Variants in PIKFYVE observed in about 807,000 individuals in gnomAD.
PIKFYVE encodes the protein phosphoinositide kinase, FYVE-type zinc finger containing, also known as 1-phosphatidylinositol 3-phosphate 5-kinase.
Under a neutral mutation model 257.9 loss-of-function variants are expected in PIKFYVE, and 122 were observed. That is an observed-to-expected ratio of 0.47 (90% CI 0.41 to 0.55). The LOEUF is 0.55. PIKFYVE is among the 20% of genes least tolerant of loss of function. PIKFYVE has a pLI of 0.00. For missense variants in PIKFYVE, 2,160 were observed against 2,536.6 expected (o/e 0.85, Z 3.19); for synonymous variants, 892 against 868.9 (o/e 1.03, Z -0.47).
intron 12 of PIKFYVE, among the ~76,000 whole-genome samples, chr2:208,309,563 G>C (rs1169024398): frequency 1.3e-5 from 2 of 152,320 alleles, no homozygotes; most frequent in Non-Finnish European, 2.9e-5. Flanking sequence ...AGGATCCTAA[G>C]ACATCTGAAA....
chr2:208,297,694 T>TA lies in PIKFYVE; in HGVS notation c.912-946dup, dbSNP rs1693159447. Among the ~76,000 whole-genome samples, 3 of 152,220 alleles carry TA rather than the reference T, an allele frequency of 2.0e-5. No individual in the cohort carries two copies. The South Asian group carries it at 6.2e-4, about 31-fold the overall frequency. On this transcript the variant is annotated intron_variant, in intron 7 of 41. Coordinates refer to ENST00000264380, the MANE Select transcript of PIKFYVE (RefSeq NM_015040.4). ...ACAGATACTGCCCTAATGAATGAGT[T>TA]ACATATATGTAGTCTAACATATCAT... is the stretch of plus-strand genomic sequence containing the variant.
intron 7 of PIKFYVE, among the ~76,000 whole-genome samples, chr2:208,294,102 G>A (rs1030454030): frequency 3.3e-5 from 5 of 151,950 alleles, no homozygotes; most frequent in African/African-American, 1.2e-4. Flanking sequence ...GATATTGTTT[G>A]TTCAGTCTTT....
intron 35 of PIKFYVE, among the ~76,000 whole-genome samples, chr2:208,349,089 G>T (rs1382096481): frequency 1.3e-5 from 2 of 152,150 alleles, no homozygotes; most frequent in Non-Finnish European, 2.9e-5. Context: ...CATGAACCCA[G>T]GAGGTATAGG....
chr2:208,271,473 A>C (rs769629601), intron 1 of PIKFYVE, 38 bp from the exon 2 acceptor site: 1 of 1,600,624 alleles, frequency 6.2e-7, no homozygotes, highest in Non-Finnish European at 8.6e-7. Flanking sequence ...GAGCTTCCTG[A>C]GGAATTTAGA....
chr2:208,272,703 A>G (rs1307124253), intron 2 of PIKFYVE, among the ~76,000 whole-genome samples: 1 of 152,120 alleles, frequency 6.6e-6, no homozygotes, highest in East Asian at 1.9e-4. Flanking sequence ...TTAACTCAGT[A>G]GAACCTTTAA....
intron 1 of PIKFYVE, among the ~76,000 whole-genome samples, chr2:208,267,193 A>G (rs566966863): frequency 7.9e-5 from 12 of 152,336 alleles, no homozygotes; most frequent in African/African-American, 2.9e-4. Context: ...AGTGTTGACA[A>G]TAGAGGTAGT....
intron 8 of PIKFYVE, 23 bp from the exon 9 acceptor site, chr2:208,300,914 A>G (rs781082156): frequency 1.9e-6 from 3 of 1,613,684 alleles, no homozygotes; most frequent in Admixed American, 1.7e-5. Context: ...AAGGGTAACT[A>G]CTTGCTGTTA....
Position 208,343,253 on chromosome 2 carries a change from C to T in PIKFYVE, c.5027+604C>T, listed in dbSNP as rs544008743. 5.9e-5 allele frequency among the ~76,000 whole-genome samples: 9 copies of T among 152,206 alleles called. No individual in the cohort carries two copies. In the East Asian group the frequency reaches 1.7e-3, roughly 29 times the overall value. Reference sequence around the variant, plus strand: ...GTTAAAATATGTTTTCCCTTGTATCCCTTCTCTCAGTTTACTTGTTGACAT... The same window carrying T: ...GTTAAAATATGTTTTCCCTTGTATCTCTTCTCTCAGTTTACTTGTTGACAT... On this transcript the variant is annotated intron_variant, in intron 32 of 41. Coordinates refer to ENST00000264380, the MANE Select transcript of PIKFYVE (RefSeq NM_015040.4).
chr2:208,346,157 C>T lies in PIKFYVE; in HGVS notation c.5209+10C>T. On this transcript the variant is annotated intron_variant, in intron 34 of 41. Transcript: ENST00000264380. ...ACAGAACCACAACCAAGTAAGATTA[C>T]ACATGGAGGAATATTTATAATTAGA... 1.9e-6 allele frequency: 3 copies of T among 1,576,886 alleles called. No individual in the cohort carries two copies. Among genetic ancestry groups the T allele is most frequent in the South Asian group, 1.1e-5 (1 of 90,236 alleles).
At position 208,345,297 on chromosome 2, in the gene PIKFYVE, C is replaced by T. The variant is rs563647783; in HGVS notation, c.5111+103C>T. ...ACAGCATTTATCATCATAAAAATTT[C>T]TAGGATTCAGATAGTGGCACTCATA... On this transcript the variant is annotated intron_variant, in intron 33 of 41. Coordinates refer to ENST00000264380, the MANE Select transcript of PIKFYVE (RefSeq NM_015040.4). 7.7e-6 allele frequency: 8 copies of T among 1,038,346 alleles called. No homozygotes were observed. In the East Asian group the frequency reaches 1.3e-4, roughly 17 times the overall value. The allele number at this position is 1,038,346 out of a possible 1,614,324, so 64.3% of individuals were successfully genotyped here.
Position 208,354,055 on chromosome 2 carries a change from C to T in PIKFYVE, c.6002C>T (p.Ser2001Leu), listed in dbSNP as rs759348194. 9 of 1,613,982 alleles carry T rather than the reference C, an allele frequency of 5.6e-6. No individual in the cohort carries two copies. The highest frequency in any genetic ancestry group is 1.7e-5 in the Admixed American group (1 of 60,012). Residue 2001 changes from serine to leucine, a missense_variant, in exon 40 of 42, where the codon TCG (serine) becomes TTG (leucine). Physicochemically the swap from Ser to Leu is moderately radical, Grantham distance 145 (BLOSUM62 -2). This residue lies in a region of PIKFYVE where 699 missense variants were observed against 855.8 expected (regional missense o/e 0.82). Transcript: ENST00000264380. ...CATTCCAAAGCTGTGCTGAGAACCT[C>T]GATCCATAGTGACTCCCATTTCCTT... ...RSHSKAVLRT[S>L]IHSDSHFLSS... is the part of the protein sequence containing the mutation.
At chr2:208,313,274 G>T (rs1252418275) in intron 13 of PIKFYVE, among the ~76,000 whole-genome samples, 1 of 151,854 alleles carries the variant, frequency 6.6e-6, no homozygotes, top group African/African-American at 2.4e-5. Context: ...TTTATTTTTT[G>T]TCTTATCTAT....
intron 7 of PIKFYVE, among the ~76,000 whole-genome samples, chr2:208,296,129 C>T (rs1299123303): frequency 2.0e-5 from 3 of 151,944 alleles, no homozygotes; most frequent in African/African-American, 7.3e-5. Context: ...CTCAGTCTCC[C>T]GCTAGCCTGG....
rs1414178358 is a variant in PIKFYVE at position 208,312,283 on chromosome 2, G to A, written c.1684G>A (p.Ala562Thr). The part of the protein sequence containing the change: ...TGGQQLSISD[A>T]FIKESLFNRR... ...AGGACAACAGCTCTCAATAAGTGACGCTTTCATCAAAGGTAATTTTATAAA... is the reference window on the plus strand; with the variant it reads ...AGGACAACAGCTCTCAATAAGTGACACTTTCATCAAAGGTAATTTTATAAA... The change falls in exon 13 of 42, where the codon GCT becomes ACT. Residue 562 changes from alanine to threonine, a missense_variant. Coordinates refer to ENST00000264380, the MANE Select transcript of PIKFYVE (RefSeq NM_015040.4). The A allele has an allele frequency of 1.6e-5, 26 of 1,609,068 alleles. No homozygotes were observed. Among genetic ancestry groups the A allele is most frequent in the South Asian group, 2.2e-5 (2 of 90,538 alleles).
chr2:208,282,352 G>A (rs749146766), intron 5 of PIKFYVE, among the ~76,000 whole-genome samples: 6 of 152,126 alleles, frequency 3.9e-5, no homozygotes, highest in Non-Finnish European at 8.8e-5. Flanking sequence ...GCCATTCTTG[G>A]TACCAAAATA....
chr2:208,313,356 T>C (rs1695134519), intron 13 of PIKFYVE, among the ~76,000 whole-genome samples: 1 of 152,212 alleles, frequency 6.6e-6, no homozygotes, highest in South Asian at 2.1e-4. Flanking sequence ...TATGTTTTAA[T>C]ATTTATGTTT....
Position 208,315,387 on chromosome 2 carries a change from A to C in PIKFYVE, c.2007+14A>C, listed in dbSNP as rs1338114096. ...CACATCAAAAAAGTGAGCTCTGCTA[A>C]TGTTTTACTAATGCTAGGAACTGAT... On this transcript the variant is annotated intron_variant, in intron 15 of 41. Transcript: ENST00000264380. The C allele has an allele frequency of 6.2e-7, 1 of 1,613,310 alleles. No homozygotes were observed. Among genetic ancestry groups the C allele is most frequent in the African/African-American group, 1.3e-5 (1 of 74,922 alleles).
chr2:208,320,137 T>G (rs1574611602), intron 16 of PIKFYVE, 115 bp from the exon 17 acceptor site: 96 of 1,359,210 alleles, frequency 7.1e-5, no homozygotes, highest in Non-Finnish European at 8.7e-5. Flanking sequence ...AATACTAATA[T>G]GAGATACATT....
At chr2:208,286,667 C>T (rs958835414) in intron 6 of PIKFYVE, among the ~76,000 whole-genome samples, 1 of 151,826 alleles carries the variant, frequency 6.6e-6, no homozygotes, top group African/African-American at 2.4e-5. Context: ...ACAACAGGCG[C>T]ACACCACTGT....
Sources: gnomAD v4.1 joint callset for allele counts (sites outside exome capture counted in the v4.1 genomes callset) on GRCh38, gnomAD v4.1.1 for gene constraint, gnomAD v4.1.1 regional missense constraint, MANE v1.5 for transcripts, NCBI Gene and HGNC (gene_info 2026-07-23, HGNC 2026-07-21) for gene names.